PRKN: variants seen among roughly 807,000 people sequenced by gnomAD.
PRKN encodes the protein E3 ubiquitin-protein ligase parkin.
Under a neutral mutation model 59.5 loss-of-function variants are expected in PRKN, and 56 were observed. That is an observed-to-expected ratio of 0.94 (90% CI 0.76 to 1.18). The LOEUF is 1.18. Ranked by LOEUF, PRKN falls within the 50% of genes most tolerant of loss-of-function variation. The pLI, the probability that PRKN is intolerant of heterozygous loss-of-function variation, is 0.00. For synonymous variants in PRKN, 250 were observed against 222.1 expected (o/e 1.13, Z -1.12); for missense variants, 657 against 596.4 (o/e 1.10, Z -1.06).
chr6:162,725,050 TG>T (rs1779080704), intron 1 of PRKN, among the ~76,000 whole-genome samples: 1 of 152,230 alleles, frequency 6.6e-6, no homozygotes, highest in African/African-American at 2.4e-5. Context: ...CACCTCCGTT[TG>T]TGAAGTGTGT....
At chr6:162,138,732 A>C (rs1472984980) in intron 4 of PRKN, among the ~76,000 whole-genome samples, 1 of 152,190 alleles carries the variant, frequency 6.6e-6, no homozygotes, top group African/African-American at 2.4e-5. Context: ...GAGAGAAAAA[A>C]ATACCATATT....
intron 1 of PRKN, among the ~76,000 whole-genome samples, chr6:162,627,362 C>T (rs895775668): frequency 1.3e-5 from 2 of 152,178 alleles, no homozygotes; most frequent in African/African-American, 4.8e-5. Flanking sequence ...TATTTACTAT[C>T]AACTCAATGT....
In PRKN at chr6:161,524,945, C is replaced by T. The variant is rs563239701; in HGVS notation, c.1083+23909G>A. Among the ~76,000 whole-genome samples the T allele has an allele frequency of 4.5e-4, 69 of 152,242 alleles. 2 individuals carry two copies. The South Asian group carries it at 0.014, about 31-fold the overall frequency. On this transcript the variant is annotated intron_variant, in intron 9 of 11. Coordinates refer to ENST00000366898, the MANE Select transcript of PRKN (RefSeq NM_004562.3). ...CTTGCATCCGTTTGATGTAGGAGATCACAGGAAACAATGTGAAATTCTGCA... is the reference window on the plus strand; with the variant it reads ...CTTGCATCCGTTTGATGTAGGAGATTACAGGAAACAATGTGAAATTCTGCA...
intron 1 of PRKN, among the ~76,000 whole-genome samples, chr6:162,714,427 CATTTTTTAAAAAACCCTTCGGAATA>C (rs555860361): frequency 9.2e-5 from 14 of 152,180 alleles, no homozygotes; most frequent in Middle Eastern, 6.8e-3. Flanking sequence ...CTGCTCTTCC[CATTTTTTAAAAAACCCTTCGGAATA>C]ATTTAAATGA....
At chr6:162,532,150 C>A (rs1778540322) in intron 1 of PRKN, among the ~76,000 whole-genome samples, 1 of 55,970 alleles carries the variant, frequency 1.8e-5, no homozygotes, top group South Asian at 6.4e-4. Context: ...TAAGGTATCT[C>A]CCCCCAACTC....
intron 1 of PRKN, among the ~76,000 whole-genome samples, chr6:162,460,461 CTG>C (rs1209971981): frequency 2.0e-5 from 3 of 152,154 alleles, no homozygotes; most frequent in African/African-American, 4.8e-5. Flanking sequence ...TTACAAAACT[CTG>C]TGAATATACT....
chr6:161,374,751 G>C (rs997655121), intron 10 of PRKN, among the ~76,000 whole-genome samples: 5 of 152,018 alleles, frequency 3.3e-5, no homozygotes, highest in African/African-American at 1.2e-4. Context: ...GTGTGTGTGT[G>C]TGTGGTGTGT....
chr6:162,078,845 C>A (rs1404483619), intron 4 of PRKN, among the ~76,000 whole-genome samples: 1 of 149,626 alleles, frequency 6.7e-6, no homozygotes, highest in Non-Finnish European at 1.5e-5. Context: ...GGTTACTAAG[C>A]AAGATTATTA....
At chr6:161,450,823 G>C (rs1349004005) in intron 9 of PRKN, among the ~76,000 whole-genome samples, 2 of 152,066 alleles carry the variant, frequency 1.3e-5, no homozygotes, top group Admixed American at 6.5e-5. Context: ...CCAAAGTGCT[G>C]GGATTACAGG....
chr6:162,599,376 C>T (rs1440893620), intron 1 of PRKN, among the ~76,000 whole-genome samples: 3 of 152,046 alleles, frequency 2.0e-5, no homozygotes, highest in Non-Finnish European at 4.4e-5. Context: ...ACCTCACAAG[C>T]AGGACAGGTT....
rs115555415 is a variant in PRKN, at chr6:161,709,010, C to T, written c.871+76762G>A. On this transcript the variant is annotated intron_variant, in intron 7 of 11. Transcript: ENST00000366898. ...ACCTATGACAACTGAGCACTTGAAA[C>T]GTGAATTTTAAATTGTGTTTAATTT... Among the ~76,000 whole-genome samples, 288 of 152,258 alleles carry T rather than the reference C, an allele frequency of 1.9e-3. 3 individuals carry two copies. Among genetic ancestry groups the T allele is most frequent in the African/African-American group, 6.4e-3 (266 of 41,552 alleles).
chr6:162,716,148 AAAAT>A (rs1159238898), intron 1 of PRKN, among the ~76,000 whole-genome samples: 1 of 152,226 alleles, frequency 6.6e-6, no homozygotes, highest in Non-Finnish European at 1.5e-5. Context: ...TTTTCAGCAA[AAAAT>A]AAATGTTTTC....
At chr6:162,043,519 G>T (rs1272828563) in intron 5 of PRKN, among the ~76,000 whole-genome samples, 6 of 152,170 alleles carry the variant, frequency 3.9e-5, no homozygotes, top group Non-Finnish European at 5.9e-5. Flanking sequence ...AAATGGAGAT[G>T]AACAGAGGCC....
chr6:162,049,730 C>T (rs1233201159), intron 5 of PRKN, among the ~76,000 whole-genome samples: 23 of 152,122 alleles, frequency 1.5e-4, no homozygotes, highest in Admixed American at 1.3e-3. Context: ...TGAATGTCCA[C>T]GTGTAACAGA....
At position 161,530,656 on chromosome 6, in the gene PRKN, C is replaced by G. The variant is rs1273905598; in HGVS notation, c.1083+18198G>C. On this transcript the variant is annotated intron_variant, in intron 9 of 11. Transcript: ENST00000366898. The surrounding 1 kb of genome is among the most constrained non-coding windows in gnomAD (Gnocchi z 5.0). ...CTAGCCTCCCAAGTAGCTGGGATTA[C>G]AGGCATTTACCACCACGCCTGGCTA... Among the ~76,000 whole-genome samples, 1 of 152,062 alleles carries G rather than the reference C, an allele frequency of 6.6e-6. No individual in the cohort carries two copies. The highest frequency in any genetic ancestry group is 1.5e-5 in the Non-Finnish European group (1 of 68,010).
chr6:161,956,753 C>T (rs1353347563), intron 6 of PRKN, among the ~76,000 whole-genome samples: 1 of 152,044 alleles, frequency 6.6e-6, no homozygotes, highest in Non-Finnish European at 1.5e-5. Context: ...TAGAGTTGAA[C>T]AGTGACACCT....
chr6:162,046,354 C>A (rs923362054), intron 5 of PRKN, among the ~76,000 whole-genome samples: 4 of 152,072 alleles, frequency 2.6e-5, no homozygotes, highest in Non-Finnish European at 5.9e-5. Flanking sequence ...ACATAAAGTG[C>A]GATACAAACT....
chr6:162,395,075 C>T (rs974568181), intron 2 of PRKN, among the ~76,000 whole-genome samples: 1 of 152,098 alleles, frequency 6.6e-6, no homozygotes, highest in Non-Finnish European at 1.5e-5. Context: ...AATCAACTCA[C>T]CTATGTAACT....
Position 161,442,842 on chromosome 6 carries a change from T to C in PRKN, c.1084-55965A>G, listed in dbSNP as rs948740677. ...TTTTGGACATCGTAACAACTAAACA[T>C]AACATTTATATCACTATCTGTCAGC... On this transcript the variant is annotated intron_variant, in intron 9 of 11. Transcript: ENST00000366898. This position sits in a 1 kb window ranked among gnomAD's most constrained non-coding sequence, Gnocchi z 4.6. 6.6e-6 allele frequency among the ~76,000 whole-genome samples: 1 copy of C among 152,160 alleles called. No homozygotes were observed. Among genetic ancestry groups the C allele is most frequent in the Non-Finnish European group, 1.5e-5 (1 of 68,038 alleles).
Sources: gnomAD v4.1 joint callset for allele counts (sites outside exome capture counted in the v4.1 genomes callset) on GRCh38, gnomAD v4.1.1 for gene constraint, Gnocchi (gnomAD v3.1) non-coding constraint, MANE v1.5 for transcripts, NCBI Gene and HGNC (gene_info 2026-07-23, HGNC 2026-07-21) for gene names.